GNB1: variants seen among roughly 807,000 people sequenced by gnomAD.
GNB1 encodes guanine nucleotide-binding protein G(I)/G(S)/G(T) subunit beta-1.
GNB1 carries 2 observed loss-of-function variants against 42.9 expected under a neutral mutation model. That is an observed-to-expected ratio of 0.05 (90% confidence interval 0.02 to 0.15). GNB1 has a LOEUF of 0.15. Among genes scored for constraint, GNB1 ranks in the 10% least tolerant of loss-of-function variants. GNB1 has a pLI of 1.00. For missense variants in GNB1, 193 were observed against 462.2 expected, an observed-to-expected ratio of 0.42 and a Z score of 5.34; for synonymous variants, 183 against 174.7, an observed-to-expected ratio of 1.05 and a Z score of -0.38.
At chr1:1,825,635 C>CAT in intron 2 of GNB1, 136 bp from the exon 3 acceptor site, 1 of 568,326 alleles carries the variant, frequency 1.8e-6, no homozygotes, top group Non-Finnish European at 3.2e-6. Flanking sequence ...GAGGCCGAGG[C>CAT]GGGCAGATCA....
intron 7 of GNB1, among the ~76,000 whole-genome samples, chr1:1,803,982 T>TAA (rs1491398910): frequency 4.9e-4 from 12 of 24,664 alleles, no homozygotes; most frequent in East Asian, 1.8e-3. Context: ...ACTCTGTCTT[T>TAA]AAAAAAAAAA....
intron 1 of GNB1, among the ~76,000 whole-genome samples, chr1:1,873,967 G>C (rs1649390227): frequency 6.6e-6 from 1 of 152,174 alleles, no homozygotes; most frequent in Non-Finnish European, 1.5e-5. Context: ...CCTGCCTCTA[G>C]GGGACTCAGC....
intron 1 of GNB1, among the ~76,000 whole-genome samples, chr1:1,861,162 C>T (rs1648605319): frequency 7.0e-6 from 1 of 143,296 alleles, no homozygotes; most frequent in African/African-American, 2.6e-5. Context: ...TGTCTCAGAA[C>T]AAAACCCAGC....
intron 1 of GNB1, among the ~76,000 whole-genome samples, chr1:1,877,024 G>A (rs77754794): frequency 7.2e-5 from 11 of 152,246 alleles, no homozygotes; most frequent in Non-Finnish European, 1.3e-4. Context: ...ATACAGGCCA[G>A]GCGTGGTGGC....
intron 7 of GNB1, among the ~76,000 whole-genome samples, chr1:1,795,937 T>C (rs1646541147): frequency 6.6e-6 from 1 of 152,158 alleles, no homozygotes; most frequent in Admixed American, 6.5e-5. Flanking sequence ...TGACAGGAAC[T>C]ATGAAGGACA....
chr1:1,875,616 C>A (rs1649498641), intron 1 of GNB1, among the ~76,000 whole-genome samples: 1 of 152,170 alleles, frequency 6.6e-6, no homozygotes. Flanking sequence ...TCAAGTGATC[C>A]TCTCATCTTG....
chr1:1,876,629 G>A (rs61775001), intron 1 of GNB1, among the ~76,000 whole-genome samples: 1 of 152,166 alleles, frequency 6.6e-6, no homozygotes, highest in Non-Finnish European at 1.5e-5. Flanking sequence ...GCCTCCCAAA[G>A]TGATAAGTGT....
intron 5 of GNB1, among the ~76,000 whole-genome samples, chr1:1,807,970 A>G (rs1646724329): frequency 6.6e-6 from 1 of 151,694 alleles, no homozygotes; most frequent in Admixed American, 6.6e-5. Context: ...CAGCCTCCCA[A>G]AGTGCTGGGA....
At chr1:1,795,306 A>AC (rs945272062) in intron 7 of GNB1, among the ~76,000 whole-genome samples, 4 of 151,612 alleles carry the variant, frequency 2.6e-5, no homozygotes, top group Admixed American at 2.0e-4. Flanking sequence ...AAGCACCCCC[A>AC]CCCCGTCAGA....
intron 1 of GNB1, among the ~76,000 whole-genome samples, chr1:1,881,001 TGAACGGAGA>T (rs1330569311): frequency 7.0e-6 from 1 of 142,126 alleles, no homozygotes; most frequent in Non-Finnish European, 1.6e-5. Context: ...GACAAATGCC[TGAACGGAGA>T]GAGGGAGTGA....
At chr1:1,885,791 C>T (rs1455012364) in intron 1 of GNB1, among the ~76,000 whole-genome samples, 1 of 150,434 alleles carries the variant, frequency 6.6e-6, no homozygotes, top group African/African-American at 2.4e-5. Context: ...ATCTCCTGAC[C>T]TCGTGATCCG....
intron 5 of GNB1, among the ~76,000 whole-genome samples, chr1:1,808,544 C>T (rs892172887): frequency 6.6e-6 from 1 of 152,206 alleles, no homozygotes; most frequent in African/African-American, 2.4e-5. Context: ...GAAGGTTCCA[C>T]TGTTTGATGC....
In GNB1 at chr1:1,804,579, G is replaced by A; in HGVS notation, c.270C>T (p.Val90=). Residue 90 remains valine, a splice_region_variant and synonymous_variant, in exon 7 of 12, where the codon GTC becomes GTT. Coordinates refer to ENST00000378609, the MANE Select transcript of GNB1 (RefSeq NM_002074.5). The part of the protein sequence containing the change: ...IIWDSYTTNK[V]HAIPLRSSWV... ...AGGAGGAGCGCAGAGGGATGGCGTG[G>A]ACCTAATGACAGAAAGACAGATGAT... is the stretch of plus-strand genomic sequence containing the variant. 1.3e-6 allele frequency: 2 copies of A among 1,578,590 alleles called. No homozygotes were observed. Among genetic ancestry groups the A allele is most frequent in the Non-Finnish European group, 1.7e-6 (2 of 1,161,156 alleles).
intron 1 of GNB1, among the ~76,000 whole-genome samples, chr1:1,855,630 C>CG (rs1481342811): frequency 1.4e-5 from 2 of 146,286 alleles, no homozygotes; most frequent in South Asian, 2.4e-4. Context: ...GCATGAACCC[C>CG]GGGGGGCGGA....
chr1:1,848,732 T>C (rs764507044), intron 1 of GNB1, among the ~76,000 whole-genome samples: 1 of 152,234 alleles, frequency 6.6e-6, no homozygotes, highest in Non-Finnish European at 1.5e-5. Context: ...GTTCATGTTT[T>C]GGGAGTCAAG....
chr1:1,823,098 C>T (rs112132343), intron 3 of GNB1, among the ~76,000 whole-genome samples: 1 of 151,664 alleles, frequency 6.6e-6, no homozygotes. Flanking sequence ...AAAAATTAGC[C>T]GGGTGTGGTG....
chr1:1,880,268 TTA>T (rs1183938875), intron 1 of GNB1, among the ~76,000 whole-genome samples: 1 of 152,226 alleles, frequency 6.6e-6, no homozygotes, highest in Non-Finnish European at 1.5e-5. Flanking sequence ...TATTTTATTT[TTA>T]TATGTCAACA....
chr1:1,865,563 G>A (rs1390992503), intron 1 of GNB1, among the ~76,000 whole-genome samples: 1 of 152,140 alleles, frequency 6.6e-6, no homozygotes, highest in Non-Finnish European at 1.5e-5. Flanking sequence ...TCCAACCTGG[G>A]CAACAGAGTG....
At chr1:1,887,726 G>A (rs542006053) in intron 1 of GNB1, among the ~76,000 whole-genome samples, 37 of 152,038 alleles carry the variant, frequency 2.4e-4, no homozygotes, top group African/African-American at 8.7e-4. Context: ...AGCGATTCCC[G>A]TGCCTAAACC....
Sources: allele counts gnomAD v4.1 joint callset (sites outside exome capture counted in the v4.1 genomes callset), GRCh38; gene constraint gnomAD v4.1.1; transcripts MANE v1.5; gene names NCBI Gene and HGNC (gene_info 2026-07-23, HGNC 2026-07-21).